Variants in HERC4 observed in about 807,000 individuals in gnomAD.
The protein encoded by HERC4 is probable E3 ubiquitin-protein ligase HERC4.
Under a neutral mutation model 124.3 loss-of-function variants are expected in HERC4, and 28 were observed. That is an observed-to-expected ratio of 0.23 (90% CI 0.17 to 0.31). The LOEUF (loss-of-function observed/expected upper bound fraction) is 0.31, where lower values mean the gene tolerates loss of function less well. HERC4 is among the 10% of genes least tolerant of loss of function. HERC4 has a pLI of 1.00. For synonymous variants in HERC4, 407 were observed against 421.5 expected, an observed-to-expected ratio of 0.97 and a Z score of 0.42; for missense variants, 713 against 1,229.3, an observed-to-expected ratio of 0.58 and a Z score of 6.28.
intron 3 of HERC4, among the ~76,000 whole-genome samples, chr10:68,052,841 AAC>A (rs1456648528): frequency 2.0e-5 from 3 of 152,220 alleles, no homozygotes; most frequent in African/African-American, 4.8e-5. Context: ...TGCCATTATG[AAC>A]ACAGAGTGAA....
At chr10:68,035,095 A>T (rs2039390252) in intron 5 of HERC4, among the ~76,000 whole-genome samples, 1 of 152,144 alleles carries the variant, frequency 6.6e-6, no homozygotes, top group Non-Finnish European at 1.5e-5. Context: ...GTACACACTT[A>T]AAAGTAAGCT....
At chr10:67,926,426 A>C (rs957724974) in intron 23 of HERC4, among the ~76,000 whole-genome samples, 35 of 149,592 alleles carry the variant, frequency 2.3e-4, no homozygotes, top group South Asian at 2.1e-3. Flanking sequence ...TAAAAAAAAA[A>C]AAAAACAAAA....
At chr10:67,982,113 T>C (rs914378639) in intron 15 of HERC4, among the ~76,000 whole-genome samples, 4 of 151,890 alleles carry the variant, frequency 2.6e-5, no homozygotes, top group East Asian at 3.9e-4. Context: ...GGAAACACAA[T>C]CCTAAAATTT....
At chr10:67,936,017 A>G (rs1318652937) in intron 22 of HERC4, 136 bp downstream of exon 22, 1 of 525,766 alleles carries the variant, frequency 1.9e-6, no homozygotes, top group Non-Finnish European at 3.4e-6. Flanking sequence ...GAAAAGGCAG[A>G]TTATTTCCTC....
intron 15 of HERC4, among the ~76,000 whole-genome samples, chr10:67,972,219 GAAA>G (rs767498811): frequency 3.9e-5 from 2 of 51,196 alleles, no homozygotes; most frequent in Non-Finnish European, 4.1e-5. Context: ...TGTCTCAAAG[GAAA>G]AAAAAAAAAA....
chr10:67,932,472 G>C, intron 23 of HERC4, 125 bp downstream of exon 23: 1 of 727,992 alleles, frequency 1.4e-6, no homozygotes, highest in East Asian at 2.8e-5. Context: ...AGTTTGAAGG[G>C]TAGAGTGCTT....
intron 14 of HERC4, among the ~76,000 whole-genome samples, 198 bp from the exon 15 acceptor site, chr10:67,989,033 G>A (rs879593090): frequency 2.6e-5 from 4 of 151,866 alleles, no homozygotes; most frequent in Admixed American, 1.3e-4. Context: ...AATATTGTCC[G>A]AAAAGCTCTC....
intron 15 of HERC4, among the ~76,000 whole-genome samples, chr10:67,972,097 C>T (rs2035269813): frequency 6.6e-6 from 1 of 151,332 alleles, no homozygotes; most frequent in Non-Finnish European, 1.5e-5. Context: ...ACCTGTAATC[C>T]CAGCTACTTG....
At chr10:68,061,885 A>T (rs2041040865) in intron 3 of HERC4, among the ~76,000 whole-genome samples, 1 of 130,294 alleles carries the variant, frequency 7.7e-6, no homozygotes, top group African/African-American at 2.6e-5. Flanking sequence ...CATTTAAAAA[A>T]AAAAAAAAAA....
chr10:68,009,873 C>T (rs1013257411), intron 9 of HERC4, among the ~76,000 whole-genome samples: 53 of 152,178 alleles, frequency 3.5e-4, no homozygotes, highest in African/African-American at 1.2e-3. Context: ...GCAGTAGGTT[C>T]CATCTCAAGA....
intron 3 of HERC4, among the ~76,000 whole-genome samples, chr10:68,049,711 A>C (rs2040201077): frequency 6.6e-6 from 1 of 151,774 alleles, no homozygotes; most frequent in Admixed American, 6.6e-5. Flanking sequence ...AGGAGTTCGA[A>C]ACCAGCCTCG....
intron 15 of HERC4, among the ~76,000 whole-genome samples, chr10:67,971,525 GA>G (rs1187354770): frequency 4.6e-5 from 7 of 151,894 alleles, no homozygotes; most frequent in Non-Finnish European, 7.4e-5. Context: ...AAAAAAAGGA[GA>G]AAAAAATCAT....
At chr10:68,004,102 A>C (rs1226974012) in intron 9 of HERC4, among the ~76,000 whole-genome samples, 1 of 152,132 alleles carries the variant, frequency 6.6e-6, no homozygotes, top group Non-Finnish European at 1.5e-5. Flanking sequence ...GATGATGTTG[A>C]GTACCTTTCA....
intron 15 of HERC4, among the ~76,000 whole-genome samples, chr10:67,983,976 G>T (rs1589247729): frequency 6.6e-6 from 1 of 151,506 alleles, no homozygotes. Context: ...AAAAAAGAAC[G>T]AATACAGAAA....
intron 15 of HERC4, among the ~76,000 whole-genome samples, chr10:67,975,804 A>G (rs1018060228): frequency 6.6e-6 from 1 of 152,222 alleles, no homozygotes; most frequent in African/African-American, 2.4e-5. Flanking sequence ...TATTGACAAA[A>G]GCACTTTCAG....
intron 21 of HERC4, among the ~76,000 whole-genome samples, chr10:67,936,662 CACAG>C (rs1379680410): frequency 2.0e-5 from 3 of 152,176 alleles, no homozygotes; most frequent in African/African-American, 4.8e-5. Context: ...TAAACTTTAT[CACAG>C]ACAGTTTTTC....
At chr10:67,995,744 T>C (rs1273770046) in intron 9 of HERC4, among the ~76,000 whole-genome samples, 1 of 152,236 alleles carries the variant, frequency 6.6e-6, no homozygotes, top group Non-Finnish European at 1.5e-5. Flanking sequence ...ATAGCATATA[T>C]GCTGAGAAAG....
In HERC4 at chr10:68,034,093, G is replaced by C; in HGVS notation, c.557C>G (p.Ser186Cys). 1 of 1,614,074 alleles carries C rather than the reference G, an allele frequency of 6.2e-7. No homozygotes were observed. ...TTGCATGAAAGGGATTCCAAGCAAA[G>C]ACTTAAGCAGCTGCGGTGAAGTTTG... is the stretch of plus-strand genomic sequence containing the variant. ...KKQTSPQLLK[S>C]LLGIPFMQVA... The change falls in exon 6 of 25, where the codon TCT (serine) becomes TGT (cysteine). Residue 186 changes from serine (S) to cysteine (C), a missense_variant. Coordinates refer to ENST00000373700, the MANE Select transcript of HERC4 (RefSeq NM_015601.4).
chr10:68,044,814 T>A (rs777445719), intron 3 of HERC4, among the ~76,000 whole-genome samples: 7 of 152,028 alleles, frequency 4.6e-5, no homozygotes, highest in Non-Finnish European at 1.0e-4. Context: ...CAACTCAGAA[T>A]ATCAAGTGAC....
Sources: allele counts gnomAD v4.1 joint callset (sites outside exome capture counted in the v4.1 genomes callset), GRCh38; gene constraint gnomAD v4.1.1; transcripts MANE v1.5; gene names NCBI Gene and HGNC (gene_info 2026-07-23, HGNC 2026-07-21).